The following NR1H4 variants were observed in gnomAD, a reference collection of about 807,000 sequenced individuals.
NR1H4 encodes bile acid receptor.
A neutral mutation model predicts 58.5 loss-of-function variants in NR1H4; 23 were observed. The observed-to-expected ratio is 0.39, with a 90% confidence interval of 0.28 to 0.56. The LOEUF (loss-of-function observed/expected upper bound fraction) is 0.56, where lower values mean the gene tolerates loss of function less well. NR1H4 is among the 20% of genes least tolerant of loss of function. NR1H4 has a pLI of 0.58. For synonymous variants in NR1H4, 214 were observed against 198.0 expected (o/e 1.08, Z -0.68); for missense variants, 487 against 576.9 (o/e 0.84, Z 1.60).
chr12:100,501,886 G>T (rs938440884), intron 3 of NR1H4, among the ~76,000 whole-genome samples: 1 of 152,168 alleles, frequency 6.6e-6, no homozygotes, highest in Non-Finnish European at 1.5e-5. Flanking sequence ...GCTACATTAT[G>T]CCTGGGCTCC....
intron 4 of NR1H4, among the ~76,000 whole-genome samples, chr12:100,522,365 A>G (rs1388709170): frequency 1.3e-5 from 2 of 152,108 alleles, no homozygotes; most frequent in Non-Finnish European, 2.9e-5. Flanking sequence ...GTATCTGTAG[A>G]TTGTCATGAG....
chr12:100,542,817 C>T (rs1218814775), intron 9 of NR1H4, among the ~76,000 whole-genome samples: 1 of 152,030 alleles, frequency 6.6e-6, no homozygotes, highest in Non-Finnish European at 1.5e-5. Flanking sequence ...GCATAATTAG[C>T]ATCATTGGTA....
intron 3 of NR1H4, among the ~76,000 whole-genome samples, chr12:100,497,198 G>A (rs1474159578): frequency 6.6e-6 from 1 of 152,066 alleles, no homozygotes; most frequent in African/African-American, 2.4e-5. Flanking sequence ...ACTGCCCCTC[G>A]GCTCCCGTTG....
chr12:100,516,160 T>C (rs115636587), intron 4 of NR1H4, among the ~76,000 whole-genome samples: 1,549 of 152,282 alleles, frequency 0.01, 27 homozygotes, highest in African/African-American at 0.035. Context: ...CTACTCTCCA[T>C]GAGGTCATCA....
intron 9 of NR1H4, among the ~76,000 whole-genome samples, chr12:100,549,493 C>T (rs1330885570): frequency 6.6e-6 from 1 of 152,100 alleles, no homozygotes; most frequent in Non-Finnish European, 1.5e-5. Context: ...TTCATCACAC[C>T]TTGAGACAAG....
At chr12:100,481,711 G>C (rs147790686) in intron 1 of NR1H4, among the ~76,000 whole-genome samples, 3,190 of 152,070 alleles carry the variant, frequency 0.021, 39 homozygotes, top group Non-Finnish European at 0.029. Flanking sequence ...TCAGGAGATC[G>C]AGACCATCCT....
At chr12:100,475,862 A>T (rs1350702840) in intron 1 of NR1H4, among the ~76,000 whole-genome samples, 3 of 152,038 alleles carry the variant, frequency 2.0e-5, no homozygotes, top group Non-Finnish European at 4.4e-5. Flanking sequence ...CAGCCTCCTG[A>T]GTAGCTGGTA....
At chr12:100,493,147 G>A in intron 2 of NR1H4, 123 bp from the exon 3 acceptor site, 1 of 611,696 alleles carries the variant, frequency 1.6e-6, no homozygotes, top group Non-Finnish European at 2.9e-6. Flanking sequence ...AAAGGCTATA[G>A]TAAAATGCAT....
rs562710804 is a variant in NR1H4 at position 100,540,479 on chromosome 12, G to A, written c.932-193G>A. 5.3e-5 allele frequency among the ~76,000 whole-genome samples: 8 copies of A among 152,192 alleles called. No individual in the cohort carries two copies. The East Asian group carries it at 1.5e-3, about 29-fold the overall frequency. The stretch of plus-strand genomic sequence containing the variant: ...TGGACTTGACATCTCCCTTTGCCCA[G>A]CTTGTTTAATAAATTCTGCTCAATG... On this transcript the variant is annotated intron_variant, in intron 8 of 10. Coordinates refer to ENST00000392986, the MANE Select transcript of NR1H4 (RefSeq NM_001206979.2).
At chr12:100,561,213 G>A (rs936699536) in intron 9 of NR1H4, among the ~76,000 whole-genome samples, 1 of 151,868 alleles carries the variant, frequency 6.6e-6, no homozygotes, top group South Asian at 2.1e-4. Context: ...TGGCTAACAC[G>A]GTGAAACCCA....
At chr12:100,547,666 T>C (rs1955102626) in intron 9 of NR1H4, among the ~76,000 whole-genome samples, 1 of 152,050 alleles carries the variant, frequency 6.6e-6, no homozygotes, top group African/African-American at 2.4e-5. Context: ...CTGTCACAAA[T>C]CAGCTACCTC....
intron 3 of NR1H4, among the ~76,000 whole-genome samples, chr12:100,503,725 A>T (rs1041522923): frequency 2.6e-5 from 4 of 152,238 alleles, no homozygotes; most frequent in African/African-American, 9.6e-5. Context: ...AATATTCTTC[A>T]TAGACTCTTA....
At chr12:100,538,917 G>C (rs1261721194) in intron 8 of NR1H4, among the ~76,000 whole-genome samples, 2 of 152,086 alleles carry the variant, frequency 1.3e-5, no homozygotes, top group Non-Finnish European at 2.9e-5. Context: ...TTAAACTGAA[G>C]GCAAGCTCAA....
chr12:100,530,414 G>A (rs1954663489), intron 4 of NR1H4, among the ~76,000 whole-genome samples: 1 of 152,104 alleles, frequency 6.6e-6, no homozygotes, highest in South Asian at 2.1e-4. Context: ...TCAAACAATA[G>A]CTACTAGGTG....
intron 9 of NR1H4, among the ~76,000 whole-genome samples, chr12:100,561,411 T>A (rs975015858): frequency 1.3e-5 from 2 of 151,220 alleles, no homozygotes; most frequent in African/African-American, 2.4e-5. Context: ...AAAAATAAAA[T>A]AAATAAATAA....
rs571672738 is a variant in NR1H4 at position 100,554,133 on chromosome 12, T to C, written c.1079-7752T>C. ...TGTTATTAGTTCCTAGGGAAACTAT[T>C]GGGCTGCTGAGAGATTAGTTTGAAA... On this transcript the variant is annotated intron_variant, in intron 9 of 10. Coordinates refer to ENST00000392986, the MANE Select transcript of NR1H4 (RefSeq NM_001206979.2). Among the ~76,000 whole-genome samples the C allele has an allele frequency of 8.7e-4, 132 of 152,320 alleles. 1 individual carries two copies. Among genetic ancestry groups the C allele is most frequent in the African/African-American group, 3.1e-3 (127 of 41,574 alleles).
At chr12:100,507,292 T>C (rs1460712582) in intron 3 of NR1H4, among the ~76,000 whole-genome samples, 1 of 152,208 alleles carries the variant, frequency 6.6e-6, no homozygotes, top group Admixed American at 6.5e-5. Context: ...TTCATCGTAT[T>C]TGGTGATGAA....
At chr12:100,489,058 G>A (rs1164032623) in intron 1 of NR1H4, among the ~76,000 whole-genome samples, 1 of 152,132 alleles carries the variant, frequency 6.6e-6, no homozygotes, top group Admixed American at 6.5e-5. Flanking sequence ...AAATGAAAGT[G>A]AAGAGTATTA....
chr12:100,476,519 T>G (rs1953275044), intron 1 of NR1H4, among the ~76,000 whole-genome samples: 2 of 152,156 alleles, frequency 1.3e-5, no homozygotes, highest in African/African-American at 2.4e-5. Flanking sequence ...AGCTCAGAAC[T>G]GCTGTGGCTC....
Sources: allele counts gnomAD v4.1 joint callset (sites outside exome capture counted in the v4.1 genomes callset), GRCh38; gene constraint gnomAD v4.1.1; transcripts MANE v1.5; gene names NCBI Gene and HGNC (gene_info 2026-07-23, HGNC 2026-07-21).